AUTS2: variants seen among roughly 807,000 people sequenced by gnomAD.
The protein encoded by AUTS2 is autism susceptibility gene 2 protein.
AUTS2 carries 17 observed loss-of-function variants against 112.4 expected under a neutral mutation model. The observed-to-expected ratio is 0.15, with a 90% CI of 0.10 to 0.23. The LOEUF is 0.23. Among genes scored for constraint, AUTS2 ranks in the 10% least tolerant of loss-of-function variants. The pLI, the probability that AUTS2 is intolerant of heterozygous loss-of-function variation, is 1.00. For synonymous variants in AUTS2, 751 were observed against 702.7 expected (o/e 1.07, Z -1.09); for missense variants, 1,510 against 1,701.6 (o/e 0.89, Z 1.98).
chr7:70,650,661 C>T (rs530859111), intron 5 of AUTS2, among the ~76,000 whole-genome samples: 3 of 152,338 alleles, frequency 2.0e-5, no homozygotes, highest in African/African-American at 7.2e-5. Flanking sequence ...ACTAGTATCT[C>T]GTTGATTGCT....
intron 1 of AUTS2, among the ~76,000 whole-genome samples, chr7:69,813,206 T>A (rs1790620321): frequency 6.6e-6 from 1 of 152,176 alleles, no homozygotes. Flanking sequence ...TGCATTATTG[T>A]TCTCTTAGCC....
At chr7:70,361,488 ATGT>A (rs1792265357) in intron 4 of AUTS2, among the ~76,000 whole-genome samples, 1 of 152,090 alleles carries the variant, frequency 6.6e-6, no homozygotes, top group African/African-American at 2.4e-5. Flanking sequence ...GCATGTGCTT[ATGT>A]TCGTGACTGT....
chr7:70,278,107 T>G (rs1788024681), intron 4 of AUTS2, among the ~76,000 whole-genome samples: 1 of 152,126 alleles, frequency 6.6e-6, no homozygotes. Context: ...AAGGTATACC[T>G]GTGCACATTA....
At chr7:70,684,671 A>G (rs1808382040) in intron 5 of AUTS2, among the ~76,000 whole-genome samples, 1 of 150,846 alleles carries the variant, frequency 6.6e-6, no homozygotes, top group African/African-American at 2.4e-5. Flanking sequence ...GTGGTGTGGT[A>G]TGGTGTGTTG....
chr7:70,166,132 A>G (rs1015876336), intron 4 of AUTS2, among the ~76,000 whole-genome samples: 5 of 152,192 alleles, frequency 3.3e-5, no homozygotes, highest in African/African-American at 1.2e-4. Flanking sequence ...CTGTGGAACC[A>G]TGAGTCGATT....
intron 5 of AUTS2, among the ~76,000 whole-genome samples, chr7:70,452,390 C>T (rs1370214470): frequency 1.3e-5 from 2 of 152,064 alleles, no homozygotes; most frequent in Admixed American, 6.6e-5. Context: ...GCCCGGGAGG[C>T]GGAGGTTGCA....
intron 5 of AUTS2, among the ~76,000 whole-genome samples, chr7:70,532,816 G>A (rs971970586): frequency 1.3e-5 from 2 of 152,236 alleles, no homozygotes; most frequent in African/African-American, 4.8e-5. Context: ...GAAAGGGAAT[G>A]ACAGGTAGGA....
At chr7:70,246,996 G>A (rs1310630922) in intron 4 of AUTS2, among the ~76,000 whole-genome samples, 1 of 151,782 alleles carries the variant, frequency 6.6e-6, no homozygotes, top group Admixed American at 6.6e-5. Context: ...AACCATGTTA[G>A]CAGCAGTTCT....
intron 2 of AUTS2, among the ~76,000 whole-genome samples, chr7:69,913,759 A>G (rs1231837561): frequency 6.6e-6 from 1 of 152,184 alleles, no homozygotes; most frequent in Non-Finnish European, 1.5e-5. Context: ...ATTGAAAATC[A>G]GACTCCCATC....
In AUTS2 at chr7:70,762,530, A is replaced by G. The variant is rs574884305; in HGVS notation, c.743-340A>G. Among the ~76,000 whole-genome samples, 5 of 152,120 alleles carry G rather than the reference A, an allele frequency of 3.3e-5. No homozygotes were observed. In the South Asian group the frequency reaches 1.0e-3, roughly 32 times the overall value. On this transcript the variant is annotated intron_variant, in intron 6 of 18. Transcript: ENST00000342771. ...CAATCCTTCCAACTCGGCCTCTCAA[A>G]GTGTTGAGATTACAGGTGTGAGCCC...
At chr7:69,681,325 C>A (rs1796786154) in intron 1 of AUTS2, among the ~76,000 whole-genome samples, 1 of 152,124 alleles carries the variant, frequency 6.6e-6, no homozygotes, top group African/African-American at 2.4e-5. Flanking sequence ...TTTTGAGGAA[C>A]CTCTGTACTG....
chr7:69,709,390 G>T (rs1379869017), intron 1 of AUTS2, among the ~76,000 whole-genome samples: 1 of 152,146 alleles, frequency 6.6e-6, no homozygotes, highest in South Asian at 2.1e-4. Flanking sequence ...GTTGATACCA[G>T]CAGAGTAAGT....
chr7:69,622,085 C>G (rs141784146), intron 1 of AUTS2, among the ~76,000 whole-genome samples: 2 of 152,262 alleles, frequency 1.3e-5, no homozygotes, highest in East Asian at 3.9e-4. Flanking sequence ...TTTAGACTTT[C>G]CTATAGTCTA....
In AUTS2 at chr7:69,599,848, C is replaced by T. The variant is rs1190208974; in HGVS notation, c.195C>T (p.Ser65=). The change falls in exon 1 of 19, where the codon TCC becomes TCT. Residue 65 remains serine (S), a synonymous_variant. Transcript: ENST00000342771. This position sits in a 1 kb window ranked among gnomAD's most constrained non-coding sequence, Gnocchi z 7.0. ...DKEDNGKPPS[S]APSRPRPPRR... ...AAGACAATGGGAAGCCCCCGTCCTC[C>T]GCCCCGTCCCGGCCCAGACCCCCGC... is the stretch of plus-strand genomic sequence containing the variant. 1.2e-6 allele frequency: 2 copies of T among 1,612,468 alleles called. No homozygotes were observed. Among genetic ancestry groups the T allele is most frequent in the African/African-American group, 2.7e-5 (2 of 74,870 alleles).
chr7:70,272,737 G>T (rs200396120), intron 4 of AUTS2, among the ~76,000 whole-genome samples: 5 of 90,732 alleles, frequency 5.5e-5, no homozygotes, highest in Non-Finnish European at 9.2e-5. Flanking sequence ...CTGTTTTTTT[G>T]TTTGTTTGTT....
At chr7:70,003,341 G>A (rs183194081) in intron 2 of AUTS2, among the ~76,000 whole-genome samples, 1 of 127,038 alleles carries the variant, frequency 7.9e-6, no homozygotes, top group Admixed American at 8.8e-5. Flanking sequence ...TATATAATAT[G>A]TATGAATATG....
chr7:69,623,876 A>C (rs1793804241), intron 1 of AUTS2, among the ~76,000 whole-genome samples: 1 of 152,164 alleles, frequency 6.6e-6, no homozygotes, highest in Admixed American at 6.5e-5. Flanking sequence ...CCCCACAAAA[A>C]ATGATTTTTA....
chr7:70,769,651 C>G (rs1003166559), intron 10 of AUTS2, among the ~76,000 whole-genome samples: 1 of 152,182 alleles, frequency 6.6e-6, no homozygotes, highest in African/African-American at 2.4e-5. Flanking sequence ...CTCCACTGCA[C>G]TCCTGCCTGG....
intron 2 of AUTS2, among the ~76,000 whole-genome samples, chr7:70,074,399 G>C (rs1802927560): frequency 6.6e-6 from 1 of 152,082 alleles, no homozygotes; most frequent in South Asian, 2.1e-4. Context: ...AACTGCTTTG[G>C]TGTTTGTTAT....
Sources: allele counts gnomAD v4.1 joint callset (sites outside exome capture counted in the v4.1 genomes callset), GRCh38; gene constraint gnomAD v4.1.1; non-coding constraint Gnocchi (gnomAD v3.1); transcripts MANE v1.5; gene names NCBI Gene and HGNC (gene_info 2026-07-23, HGNC 2026-07-21).